Variants in FARS2 observed in about 807,000 individuals in gnomAD.
FARS2 encodes the protein phenylalanyl-tRNA synthetase 2, mitochondrial.
Under a neutral mutation model 46.4 loss-of-function variants are expected in FARS2, and 40 were observed. The ratio of observed to expected loss-of-function variants is 0.86; its 90% CI spans 0.67 to 1.12. FARS2 has a LOEUF of 1.12. Among genes scored for constraint, FARS2 ranks in the 50% most tolerant of loss-of-function variants. The pLI, the probability that FARS2 is intolerant of heterozygous loss-of-function variation, is 0.00. For synonymous variants in FARS2, 234 were observed against 214.9 expected, an observed-to-expected ratio of 1.09 and a Z score of -0.78; for missense variants, 513 against 567.9, an observed-to-expected ratio of 0.90 and a Z score of 0.98.
chr6:5,396,854 G>A (rs73718093), intron 2 of FARS2, among the ~76,000 whole-genome samples: 12,214 of 152,120 alleles, frequency 0.08, 1,165 homozygotes, highest in African/African-American at 0.23. Context: ...TGGTTCCAGG[G>A]CTGTTGCTGC....
chr6:5,432,826 T>C (rs1763305825), intron 4 of FARS2, among the ~76,000 whole-genome samples: 2 of 151,960 alleles, frequency 1.3e-5, no homozygotes, highest in Admixed American at 1.3e-4. Flanking sequence ...GTCATGGGCT[T>C]GGAAAATGAG....
At chr6:5,420,868 C>G (rs1233452954) in intron 3 of FARS2, among the ~76,000 whole-genome samples, 1 of 152,134 alleles carries the variant, frequency 6.6e-6, no homozygotes, top group African/African-American at 2.4e-5. Flanking sequence ...CCACAGTGTG[C>G]CATCCTGCAG....
At chr6:5,351,592 G>A (rs991868485) in intron 1 of FARS2, among the ~76,000 whole-genome samples, 1 of 152,172 alleles carries the variant, frequency 6.6e-6, no homozygotes, top group African/African-American at 2.4e-5. Context: ...GATTACAGAA[G>A]TTCAGTGCAT....
At chr6:5,445,476 C>T (rs997529058) in intron 4 of FARS2, among the ~76,000 whole-genome samples, 1 of 152,000 alleles carries the variant, frequency 6.6e-6, no homozygotes, top group Non-Finnish European at 1.5e-5. Flanking sequence ...ATGAAATGGC[C>T]ATGTTGTTAT....
intron 4 of FARS2, among the ~76,000 whole-genome samples, chr6:5,437,095 T>C (rs1763568101): frequency 6.6e-6 from 1 of 152,196 alleles, no homozygotes; most frequent in South Asian, 2.1e-4. Context: ...CAACCACTGA[T>C]CTACCTGCTG....
intron 1 of FARS2, 98 bp from the exon 2 acceptor site, chr6:5,368,452 C>T (rs1225161883): frequency 1.9e-6 from 2 of 1,057,948 alleles, no homozygotes; most frequent in Non-Finnish European, 2.8e-6. Flanking sequence ...GGGAAACATG[C>T]CAGTAGGACA....
chr6:5,569,055 G>A (rs558203347), intron 5 of FARS2, among the ~76,000 whole-genome samples: 2 of 152,018 alleles, frequency 1.3e-5, no homozygotes, highest in East Asian at 1.9e-4. Flanking sequence ...TGCATGTCTC[G>A]GTGCAAACTG....
intron 6 of FARS2, among the ~76,000 whole-genome samples, chr6:5,664,791 G>C (rs1448110662): frequency 6.6e-6 from 1 of 151,998 alleles, no homozygotes; most frequent in Non-Finnish European, 1.5e-5. Context: ...GATTCCTATG[G>C]GTCTATCATT....
chr6:5,509,445 A>T (rs960595111), intron 4 of FARS2, among the ~76,000 whole-genome samples: 5 of 152,238 alleles, frequency 3.3e-5, no homozygotes, highest in African/African-American at 1.2e-4. Flanking sequence ...TCTCGTGAGC[A>T]CACTGGGGAA....
intron 4 of FARS2, among the ~76,000 whole-genome samples, chr6:5,537,847 G>A (rs1770316526): frequency 6.6e-6 from 1 of 151,952 alleles, no homozygotes; most frequent in Non-Finnish European, 1.5e-5. Context: ...CTTTTCTATT[G>A]CCATTCTCCT....
intron 3 of FARS2, among the ~76,000 whole-genome samples, chr6:5,424,738 A>G (rs1277170375): frequency 6.6e-6 from 1 of 152,232 alleles, no homozygotes; most frequent in Non-Finnish European, 1.5e-5. Flanking sequence ...ATCCTGTTAT[A>G]GTATTTTGAT....
intron 1 of FARS2, among the ~76,000 whole-genome samples, chr6:5,335,227 A>T (rs1413912187): frequency 6.6e-6 from 1 of 152,210 alleles, no homozygotes; most frequent in African/African-American, 2.4e-5. Flanking sequence ...TGTATTTACA[A>T]AGCCCATATC....
At chr6:5,731,051 G>T (rs888666983) in intron 6 of FARS2, among the ~76,000 whole-genome samples, 1 of 152,122 alleles carries the variant, frequency 6.6e-6, no homozygotes, top group Non-Finnish European at 1.5e-5. Flanking sequence ...CTGAGACCTG[G>T]AGCATGTGTG....
chr6:5,645,011 A>G (rs1288542421), intron 6 of FARS2, among the ~76,000 whole-genome samples: 1 of 152,248 alleles, frequency 6.6e-6, no homozygotes, highest in Non-Finnish European at 1.5e-5. Context: ...AAGAAGTGAT[A>G]TGCAGGCACA....
chr6:5,333,425 G>A (rs1173848551), intron 1 of FARS2, among the ~76,000 whole-genome samples: 1 of 152,238 alleles, frequency 6.6e-6, no homozygotes, highest in Non-Finnish European at 1.5e-5. Context: ...TTTTGCTGGA[G>A]TGTGCTGCTT....
At chr6:5,399,755 A>G (rs1249395950) in intron 2 of FARS2, among the ~76,000 whole-genome samples, 1 of 151,966 alleles carries the variant, frequency 6.6e-6, no homozygotes, top group African/African-American at 2.4e-5. Context: ...TGCCTTTTTT[A>G]TTTATCAGGA....
chr6:5,482,766 C>T (rs1221534220), intron 4 of FARS2, among the ~76,000 whole-genome samples: 1 of 152,152 alleles, frequency 6.6e-6, no homozygotes. Context: ...AAGGAGGGGG[C>T]CACTGGGCTG....
At chr6:5,761,451 T>C (rs1762471408) in intron 6 of FARS2, among the ~76,000 whole-genome samples, 1 of 152,172 alleles carries the variant, frequency 6.6e-6, no homozygotes, top group African/African-American at 2.4e-5. Context: ...ACAGAACAAA[T>C]AAATGCTGAT....
chr6:5,627,007 C>G (rs1343803200), intron 6 of FARS2, among the ~76,000 whole-genome samples: 1 of 152,198 alleles, frequency 6.6e-6, no homozygotes, highest in Non-Finnish European at 1.5e-5. Flanking sequence ...CTGAACATAT[C>G]TAAACATACT....
Sources: gnomAD v4.1 joint callset for allele counts (sites outside exome capture counted in the v4.1 genomes callset) on GRCh38, gnomAD v4.1.1 for gene constraint, MANE v1.5 for transcripts, NCBI Gene and HGNC (gene_info 2026-07-23, HGNC 2026-07-21) for gene names.